ARHGAP26: variants seen among roughly 807,000 people sequenced by gnomAD.
The protein encoded by ARHGAP26 is Rho GTPase activating protein 26, also known as rho GTPase-activating protein 26.
Under a neutral mutation model 104.8 loss-of-function variants are expected in ARHGAP26, and 38 were observed. The observed-to-expected ratio is 0.36, with a 90% CI of 0.28 to 0.48. The LOEUF (loss-of-function observed/expected upper bound fraction) is 0.48. ARHGAP26 is among the 20% of genes least tolerant of loss of function. ARHGAP26 has a pLI of 0.99. For missense variants in ARHGAP26, 704 were observed against 947.9 expected (o/e 0.74, Z 3.38); for synonymous variants, 341 against 340.0 (o/e 1.00, Z -0.03).
At chr5:142,829,900 G>A (rs1768053928) in intron 1 of ARHGAP26, among the ~76,000 whole-genome samples, 1 of 152,216 alleles carries the variant, frequency 6.6e-6, no homozygotes, top group Admixed American at 6.5e-5. Context: ...TCCCACTGCT[G>A]TCTTCCCACA....
chr5:143,097,643 A>T (rs1269443740), intron 17 of ARHGAP26, among the ~76,000 whole-genome samples: 1 of 151,668 alleles, frequency 6.6e-6, no homozygotes, highest in Non-Finnish European at 1.5e-5. Context: ...ACACGGTGAA[A>T]CCCCGTCTCT....
At chr5:143,184,348 G>T (rs3836770) in intron 20 of ARHGAP26, among the ~76,000 whole-genome samples, 23,435 of 152,024 alleles carry the variant, frequency 0.15, 5,963 homozygotes, top group African/African-American at 0.53. Context: ...TGTCTCTCCC[G>T]TAAAAACATG....
intron 1 of ARHGAP26, among the ~76,000 whole-genome samples, chr5:142,836,985 T>C (rs1274684724): frequency 1.3e-5 from 2 of 152,204 alleles, no homozygotes; most frequent in African/African-American, 4.8e-5. Flanking sequence ...TTTTCCTGGG[T>C]GACTTACCCC....
chr5:143,109,691 G>A (rs994116056), intron 17 of ARHGAP26, among the ~76,000 whole-genome samples: 1 of 151,990 alleles, frequency 6.6e-6, no homozygotes, highest in South Asian at 2.1e-4. Context: ...CTGCCCACCT[G>A]AGCCTCCCAA....
At chr5:143,104,178 T>C (rs1793670696) in intron 17 of ARHGAP26, among the ~76,000 whole-genome samples, 1 of 152,072 alleles carries the variant, frequency 6.6e-6, no homozygotes, top group South Asian at 2.1e-4. Context: ...TAAATTGACA[T>C]AGATCTCATG....
intron 16 of ARHGAP26, among the ~76,000 whole-genome samples, chr5:143,056,316 C>A: frequency 1.2e-5 from 1 of 80,098 alleles, no homozygotes; most frequent in Middle Eastern, 8.1e-3. Flanking sequence ...CTTCAGAAGT[C>A]TTTTTTTTTT....
intron 12 of ARHGAP26, among the ~76,000 whole-genome samples, chr5:143,017,793 A>G (rs962511134): frequency 2.0e-5 from 3 of 151,942 alleles, no homozygotes; most frequent in African/African-American, 7.3e-5. Context: ...CATGCCTCCA[A>G]CTCCTCATCA....
At chr5:142,943,435 G>A (rs972133383) in intron 11 of ARHGAP26, among the ~76,000 whole-genome samples, 4 of 152,126 alleles carry the variant, frequency 2.6e-5, no homozygotes, top group Admixed American at 6.5e-5. Flanking sequence ...TTCATAGATG[G>A]CACCTTTTAT....
intron 8 of ARHGAP26, among the ~76,000 whole-genome samples, chr5:142,906,520 A>G (rs1224859857): frequency 6.6e-6 from 1 of 152,046 alleles, no homozygotes; most frequent in South Asian, 2.1e-4. Context: ...CCTACTGTCT[A>G]TCCATCCATC....
intron 1 of ARHGAP26, among the ~76,000 whole-genome samples, chr5:142,787,130 G>A (rs1758836219): frequency 1.3e-5 from 2 of 152,238 alleles, no homozygotes; most frequent in Admixed American, 1.3e-4. Flanking sequence ...CAGAACCAGG[G>A]TGGGCACAGA....
intron 11 of ARHGAP26, among the ~76,000 whole-genome samples, chr5:142,974,933 C>T (rs998801336): frequency 3.9e-5 from 6 of 152,152 alleles, no homozygotes; most frequent in African/African-American, 1.4e-4. Context: ...TTTCATTCCA[C>T]CTGAAGAGTG....
intron 10 of ARHGAP26, among the ~76,000 whole-genome samples, chr5:142,918,836 C>T (rs886291606): frequency 2.6e-5 from 4 of 152,046 alleles, no homozygotes; most frequent in African/African-American, 2.4e-5. Flanking sequence ...AATCTCAAAC[C>T]GAAAACTTGC....
chr5:143,220,573 G>T (rs1188867600), intron 22 of ARHGAP26, among the ~76,000 whole-genome samples: 18 of 152,246 alleles, frequency 1.2e-4, no homozygotes, highest in Non-Finnish European at 1.5e-4. Context: ...TGTTCTTTAA[G>T]AGTGGCATGG....
At chr5:143,174,861 TG>T (rs1297577755) in intron 20 of ARHGAP26, among the ~76,000 whole-genome samples, 1 of 152,236 alleles carries the variant, frequency 6.6e-6, no homozygotes, top group African/African-American at 2.4e-5. Context: ...AAGAAAGTCC[TG>T]TATTGAACTT....
At chr5:142,775,219 C>T (rs1756064546) in intron 1 of ARHGAP26, among the ~76,000 whole-genome samples, 1 of 152,070 alleles carries the variant, frequency 6.6e-6, no homozygotes, top group South Asian at 2.1e-4. Context: ...GCATTCTCAC[C>T]AGCAATGAAT....
intron 18 of ARHGAP26, among the ~76,000 whole-genome samples, chr5:143,123,397 A>C (rs185023): frequency 0.22 from 34,087 of 152,186 alleles, 5,350 homozygotes; most frequent in African/African-American, 0.42. Context: ...GTGGTGTTCA[A>C]CTCACAGCAA....
At chr5:143,196,652 T>C (rs969136023) in intron 20 of ARHGAP26, among the ~76,000 whole-genome samples, 6 of 152,208 alleles carry the variant, frequency 3.9e-5, no homozygotes, top group African/African-American at 1.4e-4. Flanking sequence ...CTTAGGAACA[T>C]TTGACAGTGC....
At chr5:143,097,110 G>A (rs1792445508) in intron 17 of ARHGAP26, among the ~76,000 whole-genome samples, 2 of 152,060 alleles carry the variant, frequency 1.3e-5, no homozygotes, top group African/African-American at 4.8e-5. Context: ...AGACCAATGC[G>A]GGAGGATCTT....
chr5:143,134,227 C>A, intron 19 of ARHGAP26, 122 bp downstream of exon 19: 1 of 1,213,260 alleles, frequency 8.2e-7, no homozygotes, highest in Non-Finnish European at 1.1e-6. Context: ...TCCTTGAAGA[C>A]TGTATCATTG....
Sources: allele counts gnomAD v4.1 joint callset (sites outside exome capture counted in the v4.1 genomes callset), GRCh38; gene constraint gnomAD v4.1.1; transcripts MANE v1.5; gene names NCBI Gene and HGNC (gene_info 2026-07-23, HGNC 2026-07-21).